The following SLC24A4 variants were observed in gnomAD, a reference collection of about 807,000 sequenced individuals.
The protein encoded by SLC24A4 is sodium/potassium/calcium exchanger 4.
In SLC24A4, 53 loss-of-function variants were observed where a neutral mutation model predicts 79.0. The observed-to-expected ratio is 0.67, with a 90% CI of 0.54 to 0.84. The LOEUF (loss-of-function observed/expected upper bound fraction) is 0.84. Among genes scored for constraint, SLC24A4 ranks in the 40% least tolerant of loss-of-function variants. SLC24A4 has a pLI of 0.00. For missense variants in SLC24A4, 731 were observed against 822.0 expected, an observed-to-expected ratio of 0.89 and a Z score of 1.35; for synonymous variants, 323 against 323.8, an observed-to-expected ratio of 1.00 and a Z score of 0.03.
At chr14:92,465,901 G>C (rs1456777997) in intron 12 of SLC24A4, among the ~76,000 whole-genome samples, 1 of 152,138 alleles carries the variant, frequency 6.6e-6, no homozygotes, top group Non-Finnish European at 1.5e-5. Flanking sequence ...GCTGATACCT[G>C]ATGTTTTTCC....
At chr14:92,413,051 C>T (rs1193947103) in intron 2 of SLC24A4, among the ~76,000 whole-genome samples, 2 of 152,178 alleles carry the variant, frequency 1.3e-5, no homozygotes, top group Non-Finnish European at 1.5e-5. Context: ...ACAGCGGCAG[C>T]GTTGAATAGT....
chr14:92,460,039 G>C (rs1028677503), intron 12 of SLC24A4, among the ~76,000 whole-genome samples: 1 of 152,196 alleles, frequency 6.6e-6, no homozygotes, highest in Non-Finnish European at 1.5e-5. Context: ...AGGGCCAGGG[G>C]CCGCGGGAAG....
Position 92,351,409 on chromosome 14 carries a change from TA to T in SLC24A4, c.241+25437del, listed in dbSNP as rs1886859875. On this transcript the variant is annotated intron_variant, in intron 2 of 16. Transcript: ENST00000532405. ...TTTAAAACTGCTATTTTCACATCCA[TA>T]AAAAACCCTCAAGGCTTGTGAATAG... Among the ~76,000 whole-genome samples the T allele has an allele frequency of 2.6e-5, 4 of 152,170 alleles. No homozygotes were observed. In the South Asian group the frequency reaches 6.2e-4, roughly 24 times the overall value.
chr14:92,448,456 C>T (rs1892939334), intron 9 of SLC24A4, among the ~76,000 whole-genome samples: 1 of 151,618 alleles, frequency 6.6e-6, no homozygotes, highest in African/African-American at 2.4e-5. Flanking sequence ...AAAAAGACAA[C>T]ACTCTGGGTT....
intron 12 of SLC24A4, among the ~76,000 whole-genome samples, chr14:92,471,724 C>T (rs770215750): frequency 1.3e-5 from 2 of 152,144 alleles, no homozygotes; most frequent in African/African-American, 2.4e-5. Flanking sequence ...CCCACCCAGA[C>T]GTCAAGGAAA....
intron 2 of SLC24A4, among the ~76,000 whole-genome samples, chr14:92,416,978 A>G (rs1345851758): frequency 1.3e-5 from 2 of 152,212 alleles, no homozygotes; most frequent in Non-Finnish European, 2.9e-5. Context: ...TCCAAGTTAC[A>G]ACTGTCAGTC....
chr14:92,399,217 G>A (rs1005838305), intron 2 of SLC24A4, among the ~76,000 whole-genome samples: 14 of 152,266 alleles, frequency 9.2e-5, no homozygotes, highest in Middle Eastern at 3.4e-3. Context: ...CATGCACACC[G>A]AGTTAAAAAT....
At chr14:92,327,206 A>G (rs557792798) in intron 2 of SLC24A4, among the ~76,000 whole-genome samples, 58 of 152,274 alleles carry the variant, frequency 3.8e-4, no homozygotes, top group South Asian at 2.1e-3. Context: ...TTTTTATGCT[A>G]TCAGCTTCCC....
rs114441205 is a variant in SLC24A4, at chr14:92,460,912, C to T, written c.1255+4304C>T. ...CCCACCTGGCCTGATGGTGGATTTACAGGTGGACACCCAATACAGGCAAAC... is the reference window on the plus strand; with the variant it reads ...CCCACCTGGCCTGATGGTGGATTTATAGGTGGACACCCAATACAGGCAAAC... On this transcript the variant is annotated intron_variant, in intron 12 of 16. Coordinates refer to ENST00000532405, the MANE Select transcript of SLC24A4 (RefSeq NM_153646.4). 3.0e-3 allele frequency among the ~76,000 whole-genome samples: 455 copies of T among 152,300 alleles called. 1 individual carries two copies. Among genetic ancestry groups the T allele is most frequent in the African/African-American group, 0.01 (436 of 41,574 alleles).
intron 8 of SLC24A4, among the ~76,000 whole-genome samples, chr14:92,446,180 T>A (rs1427934033): frequency 3.3e-5 from 5 of 151,740 alleles, no homozygotes; most frequent in South Asian, 2.1e-4. Context: ...TTCTATGTTT[T>A]TTTTTTTTTG....
At chr14:92,464,144 T>C (rs1423636122) in intron 12 of SLC24A4, among the ~76,000 whole-genome samples, 1 of 152,226 alleles carries the variant, frequency 6.6e-6, no homozygotes, top group Admixed American at 6.5e-5. Context: ...CAGTATTTTT[T>C]ATCGAAATGA....
In SLC24A4 at chr14:92,327,715, T is replaced by C. The variant is rs142676947; in HGVS notation, c.241+1737T>C. On this transcript the variant is annotated intron_variant, in intron 2 of 16. Coordinates refer to ENST00000532405, the MANE Select transcript of SLC24A4 (RefSeq NM_153646.4). ...GGATCCCTTTCTTATGATAGAGTTC[T>C]CCTTTGCCCCGCTGTGGGCTCTGTG... Among the ~76,000 whole-genome samples, 313 of 152,328 alleles carry C rather than the reference T, an allele frequency of 2.1e-3. 1 individual carries two copies. The highest frequency in any genetic ancestry group is 7.3e-3 in the African/African-American group (303 of 41,558).
chr14:92,479,156 C>T (rs1223416646), intron 12 of SLC24A4, among the ~76,000 whole-genome samples: 1 of 152,152 alleles, frequency 6.6e-6, no homozygotes, highest in Non-Finnish European at 1.5e-5. Flanking sequence ...TTTACTTCTT[C>T]CTTTCCAATC....
intron 3 of SLC24A4, among the ~76,000 whole-genome samples, chr14:92,435,854 C>T (rs1373756583): frequency 5.9e-5 from 9 of 152,182 alleles, no homozygotes; most frequent in Admixed American, 3.9e-4. Context: ...TTACACTCCT[C>T]CCCTTTCACT....
intron 2 of SLC24A4, among the ~76,000 whole-genome samples, chr14:92,415,702 C>A (rs922428494): frequency 1.3e-5 from 2 of 152,216 alleles, no homozygotes; most frequent in Non-Finnish European, 2.9e-5. Context: ...AGGTGATCCA[C>A]CCACCTTGGC....
Position 92,491,692 on chromosome 14 carries a change from C to T in SLC24A4, c.1565C>T (p.Thr522Ile), listed in dbSNP as rs779328292. The T allele has an allele frequency of 6.2e-7, 1 of 1,613,932 alleles. No individual in the cohort carries two copies. The highest frequency in any genetic ancestry group is 1.7e-5 in the Admixed American group (1 of 60,020). The stretch of plus-strand genomic sequence containing the variant: ...CTTGGGGACATGGCAGTCTCCAACA[C>T]CATAGGAAGCAACGTGTTTGACATC... ...QGLGDMAVSN[T>I]IGSNVFDILV... The change falls in exon 15 of 17, where the codon ACC becomes ATC. Residue 522 changes from threonine (T) to isoleucine (I), a missense_variant. By Grantham distance (89) the Thr-to-Ile change is moderately conservative. Coordinates refer to ENST00000532405, the MANE Select transcript of SLC24A4 (RefSeq NM_153646.4).
Position 92,418,232 on chromosome 14 carries a change from G to GGGT in SLC24A4, c.242-15677_242-15675dup, listed in dbSNP as rs140477468. On this transcript the variant is annotated intron_variant, in intron 2 of 16. Coordinates refer to ENST00000532405, the MANE Select transcript of SLC24A4 (RefSeq NM_153646.4). Reference sequence around the variant, plus strand: ...AACAGACAGGGAAGCCTGGGAGCAGGGGTGGGAGACAGGGCAGGAGCCAAG... The same window carrying GGGT: ...AACAGACAGGGAAGCCTGGGAGCAGGGGTGGTGGGAGACAGGGCAGGAGCCAAG... 6.0e-4 allele frequency among the ~76,000 whole-genome samples: 91 copies of GGGT among 152,290 alleles called. 1 individual carries two copies. In the East Asian group the frequency reaches 0.015, roughly 25 times the overall value.
intron 2 of SLC24A4, among the ~76,000 whole-genome samples, chr14:92,389,523 C>T (rs968255617): frequency 8.5e-5 from 13 of 152,188 alleles, no homozygotes; most frequent in African/African-American, 2.9e-4. Context: ...CCAGCCCTTT[C>T]TGAGGAATGG....
intron 2 of SLC24A4, among the ~76,000 whole-genome samples, chr14:92,409,285 G>C (rs557134595): frequency 3.9e-5 from 6 of 152,338 alleles, no homozygotes; most frequent in African/African-American, 1.4e-4. Context: ...AGGAGGTGTG[G>C]AGGGGAGTGT....
Sources: gnomAD v4.1 joint callset for allele counts (sites outside exome capture counted in the v4.1 genomes callset) on GRCh38, gnomAD v4.1.1 for gene constraint, MANE v1.5 for transcripts, NCBI Gene and HGNC (gene_info 2026-07-23, HGNC 2026-07-21) for gene names.